The following PRELID2 variants were observed in gnomAD, a reference collection of about 807,000 sequenced individuals.
The protein encoded by PRELID2 is PRELI domain-containing protein 2.
Under a neutral mutation model 28.4 loss-of-function variants are expected in PRELID2, and 25 were observed. That is an observed-to-expected ratio of 0.88 (90% CI 0.64 to 1.23). The LOEUF is 1.23. Among genes scored for constraint, PRELID2 ranks in the 50% most tolerant of loss-of-function variants. The pLI, the probability that PRELID2 is intolerant of heterozygous loss-of-function variation, is 0.00. For missense variants in PRELID2, 201 were observed against 214.4 expected (o/e 0.94, Z 0.39); for synonymous variants, 76 against 71.6 (o/e 1.06, Z -0.31).
the PRELID2 span, among the ~76,000 whole-genome samples, chr5:145,458,795 A>G: frequency 1.3e-5 from 2 of 152,162 alleles, no homozygotes; most frequent in Non-Finnish European, 2.9e-5. Context: ...TATTTTACAA[A>G]TGTTCTACAA....
At chr5:145,507,663 CT>C (rs1752423991) in intron 1 of PRELID2, among the ~76,000 whole-genome samples, 1 of 152,068 alleles carries the variant, frequency 6.6e-6, no homozygotes, top group Non-Finnish European at 1.5e-5. Flanking sequence ...TGCTGAGGGA[CT>C]TTTGGTGGCC....
At chr5:145,307,214 G>T in the PRELID2 span, among the ~76,000 whole-genome samples, 1 of 152,170 alleles carries the variant, frequency 6.6e-6, no homozygotes, top group African/African-American at 2.4e-5. Context: ...TAGTTTAATA[G>T]GTATAGTTGG....
At chr5:145,278,984 AGTGTAACACG>A in the PRELID2 span, among the ~76,000 whole-genome samples, 1 of 152,300 alleles carries the variant, frequency 6.6e-6, no homozygotes, top group Admixed American at 6.5e-5. Context: ...ACACTGCAGC[AGTGTAACACG>A]GTAGGCAGTG....
At chr5:145,613,075 A>C (rs974417390) in intron 1 of PRELID2, among the ~76,000 whole-genome samples, 1 of 152,174 alleles carries the variant, frequency 6.6e-6, no homozygotes, top group African/African-American at 2.4e-5. Flanking sequence ...TAACAGCTGT[A>C]CTAGTTGCAT....
chr5:145,509,475 A>G (rs374858311), intron 1 of PRELID2, among the ~76,000 whole-genome samples: 10 of 152,310 alleles, frequency 6.6e-5, no homozygotes, highest in East Asian at 1.9e-4. Flanking sequence ...GCACAACAGC[A>G]GAAAATTTCA....
intron 1 of PRELID2, among the ~76,000 whole-genome samples, chr5:145,678,504 A>G (rs921600204): frequency 2.6e-4 from 39 of 152,332 alleles, no homozygotes; most frequent in African/African-American, 8.7e-4. Context: ...TGCTTTCCCT[A>G]TACACAGTAA....
the PRELID2 span, among the ~76,000 whole-genome samples, chr5:145,363,383 C>A: frequency 8.2e-4 from 124 of 152,052 alleles, 1 homozygote; most frequent in African/African-American, 2.9e-3. Flanking sequence ...TCTTTATATT[C>A]TAAAGTAAGT....
At chr5:145,589,171 T>C (rs1161827285) in intron 1 of PRELID2, among the ~76,000 whole-genome samples, 1 of 152,192 alleles carries the variant, frequency 6.6e-6, no homozygotes, top group South Asian at 2.1e-4. Context: ...GGTGCATAAC[T>C]GTATTTTTGC....
chr5:145,826,589 C>G (rs1284524182), intron 1 of PRELID2, among the ~76,000 whole-genome samples: 1 of 152,162 alleles, frequency 6.6e-6, no homozygotes. Context: ...ACTACAAATA[C>G]CACTGTATAT....
chr5:145,670,710 C>A (rs556414933), intron 1 of PRELID2, among the ~76,000 whole-genome samples: 80 of 152,258 alleles, frequency 5.3e-4, no homozygotes, highest in Non-Finnish European at 1.0e-3. Flanking sequence ...CCTCCTCACT[C>A]CCAATCTCTC....
chr5:145,501,597 G>C (rs1397353881), intron 1 of PRELID2, among the ~76,000 whole-genome samples: 1 of 152,108 alleles, frequency 6.6e-6, no homozygotes, highest in East Asian at 1.9e-4. Context: ...ATTCTCTCTT[G>C]CTGCCTCCAG....
At chr5:145,329,221 C>G in the PRELID2 span, among the ~76,000 whole-genome samples, 1 of 152,076 alleles carries the variant, frequency 6.6e-6, no homozygotes, top group African/African-American at 2.4e-5. Context: ...ATGCCTCCAG[C>G]TTTGTTCTTT....
chr5:145,363,458 C>T, the PRELID2 span, among the ~76,000 whole-genome samples: 2 of 151,954 alleles, frequency 1.3e-5, no homozygotes, highest in Admixed American at 1.3e-4. Flanking sequence ...CTCTTAAGTC[C>T]TCTGACTCAT....
chr5:145,515,794 G>A (rs569848862), intron 1 of PRELID2, among the ~76,000 whole-genome samples: 218 of 152,246 alleles, frequency 1.4e-3, no homozygotes, highest in African/African-American at 5.2e-3. Flanking sequence ...TATCCACCAC[G>A]ATCAAGTCGC....
At chr5:145,315,350 G>A in the PRELID2 span, among the ~76,000 whole-genome samples, 2 of 152,200 alleles carry the variant, frequency 1.3e-5, no homozygotes, top group African/African-American at 4.8e-5. Context: ...TTACAGGCGT[G>A]AGCCACCACG....
chr5:145,651,473 T>A (rs1018415316), intron 1 of PRELID2, among the ~76,000 whole-genome samples: 6 of 152,196 alleles, frequency 3.9e-5, no homozygotes, highest in African/African-American at 1.4e-4. Flanking sequence ...AGTGGGTCCC[T>A]GATCCCTGAG....
chr5:145,635,373 G>A (rs555301753), intron 1 of PRELID2, among the ~76,000 whole-genome samples: 4 of 152,012 alleles, frequency 2.6e-5, no homozygotes, highest in Admixed American at 6.5e-5. Context: ...GTGCCTTAAT[G>A]TGGTTTTAGG....
the PRELID2 span, among the ~76,000 whole-genome samples, chr5:145,328,883 T>G: frequency 6.6e-6 from 1 of 152,236 alleles, no homozygotes; most frequent in East Asian, 1.9e-4. Context: ...TACCTAGGTC[T>G]TATTCTAGGG....
chr5:145,800,744 G>A (rs1055091215), intron 4 of PRELID2, among the ~76,000 whole-genome samples: 7 of 152,082 alleles, frequency 4.6e-5, no homozygotes, highest in Non-Finnish European at 1.0e-4. Flanking sequence ...TGCCATCAAC[G>A]AGATGAGAGT....
Sources: allele counts gnomAD v4.1 joint callset (sites outside exome capture counted in the v4.1 genomes callset), GRCh38; gene constraint gnomAD v4.1.1; transcripts MANE v1.5; gene names NCBI Gene and HGNC (gene_info 2026-07-23, HGNC 2026-07-21).